RBBP8NL: variants seen among roughly 807,000 people sequenced by gnomAD.
RBBP8NL encodes the protein RBBP8 N-terminal-like protein.
A neutral mutation model predicts 62.2 loss-of-function variants in RBBP8NL; 59 were observed. That is an observed-to-expected ratio of 0.95 (90% CI 0.77 to 1.18). RBBP8NL has a LOEUF of 1.18. Ranked by LOEUF, RBBP8NL falls within the 50% of genes most tolerant of loss-of-function variation. The pLI, the probability that RBBP8NL is intolerant of heterozygous loss-of-function variation, is 0.00. For missense variants in RBBP8NL, 896 were observed against 899.5 expected (o/e 1.00, Z 0.05); for synonymous variants, 412 against 394.1 (o/e 1.05, Z -0.54).
rs779376394 is a variant in RBBP8NL, at chr20:62,413,927, G to A, written c.1424C>T (p.Pro475Leu). 6.3e-7 allele frequency: 1 copy of A among 1,591,574 alleles called. No homozygotes were observed. Among genetic ancestry groups the A allele is most frequent in the Non-Finnish European group, 8.5e-7 (1 of 1,169,882 alleles). The change falls in exon 10 of 14, where the codon CCC becomes CTC. Residue 475 changes from proline (P) to leucine (L), a missense_variant. Physicochemically the swap from Pro to Leu is moderately conservative, Grantham distance 98. Transcript: ENST00000252998. ...GGGTCCGGACTGGGTGGGTGGCTCGGGGCTGGCAGTGTGGGCAGCGGCAGG... is the reference window on the plus strand; with the variant it reads ...GGGTCCGGACTGGGTGGGTGGCTCGAGGCTGGCAGTGTGGGCAGCGGCAGG... ...LSPAAAHTAS[P>L]EPPTQSGPLT...
At chr20:62,422,438 A>G (rs1757031897) in intron 1 of RBBP8NL, among the ~76,000 whole-genome samples, 1 of 150,068 alleles carries the variant, frequency 6.7e-6, no homozygotes, top group Non-Finnish European at 1.5e-5. Flanking sequence ...GGGGCCCTGG[A>G]AGTCAGGTGG....
intron 5 of RBBP8NL, 58 bp downstream of exon 5, chr20:62,416,702 C>T: frequency 3.2e-6 from 4 of 1,240,424 alleles, no homozygotes; most frequent in East Asian, 2.5e-5. Flanking sequence ...GCTGAACAGG[C>T]CTGGGGTCGC....
At position 62,413,494 on chromosome 20, in the gene RBBP8NL, T is replaced by A; in HGVS notation, c.1582A>T (p.Ser528Cys). 1 of 1,511,042 alleles carries A rather than the reference T, an allele frequency of 6.6e-7. No individual in the cohort carries two copies. Among genetic ancestry groups the A allele is most frequent in the Non-Finnish European group, 8.8e-7 (1 of 1,136,432 alleles). The allele number at this position is 1,511,042 out of a possible 1,614,324, so 93.6% of individuals were successfully genotyped here. A position where few individuals can be genotyped will look rare whatever the true frequency, so the allele number is the denominator to read the frequency against. Residue 528 changes from serine to cysteine, a missense_variant, in exon 11 of 14, where the codon AGT becomes TGT. Coordinates refer to ENST00000252998, the MANE Select transcript of RBBP8NL (RefSeq NM_080833.3). ...CTCCCTGTGTCTTCATCTTCTGTAC[T>A]GCCTGGAGAGGACAGGCTGAGCTGG... is the stretch of plus-strand genomic sequence containing the variant. ...GSQLSLSSPG[S>C]TEDEDTGRPL...
At chr20:62,416,357 G>T in intron 5 of RBBP8NL, 121 bp from the exon 6 acceptor site, 2 of 875,504 alleles carry the variant, frequency 2.3e-6, no homozygotes, top group South Asian at 2.9e-5. Flanking sequence ...CCAGGGCCTG[G>T]CAGGCAGCAG....
At chr20:62,413,798 T>C (rs1306613125) in intron 10 of RBBP8NL, 23 bp downstream of exon 10, 2 of 1,573,020 alleles carry the variant, frequency 1.3e-6, no homozygotes, top group South Asian at 1.2e-5. Flanking sequence ...GGACCGGGTC[T>C]GAGCCAGGAC....
At position 62,412,646 on chromosome 20, in the gene RBBP8NL, C is replaced by T. The variant is rs147008016; in HGVS notation, c.1854G>A (p.Arg618=). 4 of 1,606,118 alleles carry T rather than the reference C, an allele frequency of 2.5e-6. No individual in the cohort carries two copies. Among genetic ancestry groups the T allele is most frequent in the Non-Finnish European group, 3.4e-6 (4 of 1,179,908 alleles). The part of the protein sequence containing the change: ...HGQGPPRKRK[R]ASEPGDKASK... The stretch of plus-strand genomic sequence containing the variant: ...TACCTTTGTCCCCAGGCTCCGAGGC[C>T]CGCTTCCTCTTCCGTGGTGGACCCT... The change falls in exon 13 of 14, where the codon CGG becomes CGA. Residue 618 remains arginine (R), a synonymous_variant. Transcript: ENST00000252998.
intron 2 of RBBP8NL, among the ~76,000 whole-genome samples, chr20:62,418,783 TTG>T (rs150755276): frequency 1.3e-5 from 2 of 151,750 alleles, no homozygotes; most frequent in South Asian, 2.1e-4. Flanking sequence ...AGGGGCCATT[TTG>T]TGTGTGTGTG....
chr20:62,422,552 G>A (rs1341902595), intron 1 of RBBP8NL, among the ~76,000 whole-genome samples: 7 of 146,988 alleles, frequency 4.8e-5, no homozygotes, highest in East Asian at 4.0e-4. Context: ...GGGGCCTGGG[G>A]TGGGGACGGG....
chr20:62,423,572 G>A (rs73145362), intron 1 of RBBP8NL, among the ~76,000 whole-genome samples: 2,454 of 152,238 alleles, frequency 0.016, 42 homozygotes, highest in Middle Eastern at 0.037. Flanking sequence ...CTGGGCCGAC[G>A]CCCATAAAGG....
In RBBP8NL at chr20:62,415,347, G is replaced by T. The variant is rs1988538628; in HGVS notation, c.628-60C>A. On this transcript the variant is annotated intron_variant, in intron 8 of 13. Coordinates refer to ENST00000252998, the MANE Select transcript of RBBP8NL (RefSeq NM_080833.3). Reference sequence around the variant, plus strand: ...ATGCGTGGCCTCTGCTGTGGCCTCTGCCATAGCCTCTGCTGCCTGCCCTGG... The same window carrying T: ...ATGCGTGGCCTCTGCTGTGGCCTCTTCCATAGCCTCTGCTGCCTGCCCTGG... The T allele has an allele frequency of 2.0e-6, 3 of 1,506,492 alleles. No individual in the cohort carries two copies. The South Asian group carries it at 3.8e-5, about 19-fold the overall frequency. The allele number at this position is 1,506,492 out of a possible 1,614,324, so 93.3% of individuals were successfully genotyped here.
chr20:62,417,506 G>GC (rs1293964136), intron 3 of RBBP8NL, among the ~76,000 whole-genome samples, 187 bp from the exon 4 acceptor site: 3 of 24,898 alleles, frequency 1.2e-4, no homozygotes, highest in East Asian at 1.3e-3. Flanking sequence ...CGTCCACGCA[G>GC]CCCCCCCAGT....
chr20:62,414,008 C>A lies in RBBP8NL; in HGVS notation c.1343G>T (p.Gly448Val). The change falls in exon 10 of 14, where the codon GGC (glycine) becomes GTC (valine). Residue 448 changes from glycine to valine, a missense_variant. Transcript: ENST00000252998. ...LDKPLDLSEWGRARGQDTPKP... is the reference protein window; with the variant it reads ...LDKPLDLSEWVRARGQDTPKP... Reference sequence around the variant, plus strand: ...GGGAGTGTCCTGGCCCCGGGCCCGGCCCCACTCCGAGAGGTCCAGGGGCTT... The same window carrying A: ...GGGAGTGTCCTGGCCCCGGGCCCGGACCCACTCCGAGAGGTCCAGGGGCTT... 1 of 1,576,700 alleles carries A rather than the reference C, an allele frequency of 6.3e-7. No individual in the cohort carries two copies. The highest frequency in any genetic ancestry group is 1.2e-5 in the South Asian group (1 of 86,300).
intron 1 of RBBP8NL, among the ~76,000 whole-genome samples, chr20:62,423,793 G>T (rs1988755044): frequency 6.6e-6 from 1 of 152,214 alleles, no homozygotes; most frequent in Admixed American, 6.5e-5. Context: ...GGGATGGGAG[G>T]TGGAGGGAAG....
chr20:62,414,339 C>T lies in RBBP8NL; in HGVS notation c.1012G>A (p.Gly338Arg), dbSNP rs1370407658. ...EAWEEPTELLGLPSALAGMQD... is the reference protein window; with the variant it reads ...EAWEEPTELLRLPSALAGMQD... ...ATGCCCGCCAGGGCACTGGGCAGCC[C>T]CAGCAGTTCTGTGGGCTCCTCCCAG... The change falls in exon 10 of 14, where the codon GGG (glycine) becomes AGG (arginine). Residue 338 changes from glycine to arginine, a missense_variant. Gly to Arg is a moderately radical substitution (Grantham distance 125, BLOSUM62 -2). Transcript: ENST00000252998. The T allele has an allele frequency of 1.3e-6, 2 of 1,556,970 alleles. No individual in the cohort carries two copies. The highest frequency in any genetic ancestry group is 1.9e-5 in the Admixed American group (1 of 51,960).
chr20:62,419,977 G>A (rs544464926), intron 1 of RBBP8NL, among the ~76,000 whole-genome samples: 159 of 152,284 alleles, frequency 1.0e-3, no homozygotes, highest in Non-Finnish European at 1.7e-3. Flanking sequence ...GCTGCCGTGC[G>A]GGAGGGGCTG....
chr20:62,410,559 TTCC>T lies in RBBP8NL; in HGVS notation c.*316_*318del. On this transcript the variant is annotated 3_prime_UTR_variant, in exon 14 of 14. Coordinates refer to ENST00000252998, the MANE Select transcript of RBBP8NL (RefSeq NM_080833.3). ...GGCTGTGGGAGGGGCCGCAGAGCAT[TTCC>T]CAGGTGGGTGGAGACGGGGTGAATC... is the stretch of plus-strand genomic sequence containing the variant. The T allele has an allele frequency of 2.6e-6, 1 of 379,088 alleles. No individual in the cohort carries two copies. The highest frequency in any genetic ancestry group is 4.3e-5 in the South Asian group (1 of 23,246). The allele number at this position is 379,088 out of a possible 1,614,324, so 23.5% of individuals were successfully genotyped here.
At chr20:62,422,286 A>G (rs1988717473) in intron 1 of RBBP8NL, among the ~76,000 whole-genome samples, 1 of 151,936 alleles carries the variant, frequency 6.6e-6, no homozygotes, top group South Asian at 2.1e-4. Flanking sequence ...ATTCTACAGA[A>G]CCGTCCCGAA....
At chr20:62,415,370 TG>T in intron 8 of RBBP8NL, 83 bp from the exon 9 acceptor site, 1 of 1,461,758 alleles carries the variant, frequency 6.8e-7, no homozygotes, top group Non-Finnish European at 9.1e-7. Context: ...CTGCCTGCCC[TG>T]GGCTGCTCCC....
rs773260808 is a variant in RBBP8NL, at chr20:62,413,495, GC to G, written c.1580del (p.Gly527AlafsTer40). On this transcript the variant is annotated frameshift_variant, in exon 11 of 14. Coordinates refer to ENST00000252998, the MANE Select transcript of RBBP8NL (RefSeq NM_080833.3). LOFTEE classifies it high-confidence loss of function. ...PGSQLSLSSP[G>X]STEDEDTGRP... ...TCCCTGTGTCTTCATCTTCTGTACTGCCTGGAGAGGACAGGCTGAGCTGGGA... is the reference window on the plus strand; with the variant it reads ...TCCCTGTGTCTTCATCTTCTGTACTGCTGGAGAGGACAGGCTGAGCTGGGA... 3.3e-6 allele frequency: 5 copies of G among 1,517,048 alleles called. No individual in the cohort carries two copies. The highest frequency in any genetic ancestry group is 1.8e-4 in the Middle Eastern group (1 of 5,676). 94.0% of individuals were successfully genotyped at this position (1,517,048 alleles called of 1,614,324 possible).
Sources: allele counts gnomAD v4.1 joint callset (sites outside exome capture counted in the v4.1 genomes callset), GRCh38; gene constraint gnomAD v4.1.1; transcripts MANE v1.5; gene names NCBI Gene and HGNC (gene_info 2026-07-23, HGNC 2026-07-21).